ZNF33B: variants seen among roughly 807,000 people sequenced by gnomAD.
ZNF33B encodes the protein zinc finger protein 11b (KOX 2).
Under a neutral mutation model 45.8 loss-of-function variants are expected in ZNF33B, and 29 were observed. That is an observed-to-expected ratio of 0.63 (90% CI 0.47 to 0.86). ZNF33B has a LOEUF of 0.86. Among genes scored for constraint, ZNF33B ranks in the 40% least tolerant of loss-of-function variants. The pLI is 0.00. For synonymous variants in ZNF33B, 305 were observed against 307.8 expected, an observed-to-expected ratio of 0.99 and a Z score of 0.10; for missense variants, 831 against 909.9, an observed-to-expected ratio of 0.91 and a Z score of 1.12.
chr10:42,597,331 A>G (rs1489389070), intron 4 of ZNF33B, among the ~76,000 whole-genome samples: 1 of 152,128 alleles, frequency 6.6e-6, no homozygotes, highest in Non-Finnish European at 1.5e-5. Flanking sequence ...CCTTTAACAT[A>G]TTTTACTACT....
In ZNF33B at chr10:42,589,170, G is replaced by A; in HGVS notation, c.*3443C>T. On this transcript the variant is annotated 3_prime_UTR_variant, in exon 5 of 5. Transcript: ENST00000359467. The stretch of plus-strand genomic sequence containing the variant: ...CTTCATTTTTTAGAGCAGCTTTAGG[G>A]TTACAGAAAAATTGAGCAAAAAGTA... The A allele has an allele frequency of 5.3e-6, 1 of 188,434 alleles. No homozygotes were observed. The highest frequency in any genetic ancestry group is 9.9e-6 in the Non-Finnish European group (1 of 101,146). 11.7% of individuals were successfully genotyped at this position (188,434 alleles called of 1,614,324 possible).
At chr10:42,617,940 G>A (rs913550887) in intron 4 of ZNF33B, among the ~76,000 whole-genome samples, 2 of 152,108 alleles carry the variant, frequency 1.3e-5, no homozygotes, top group African/African-American at 2.4e-5. Context: ...GTAGGAAACT[G>A]AAACCACACA....
intron 4 of ZNF33B, among the ~76,000 whole-genome samples, chr10:42,616,401 C>T (rs1838316555): frequency 6.6e-6 from 1 of 152,026 alleles, no homozygotes; most frequent in African/African-American, 2.4e-5. Context: ...GTATAAATAA[C>T]ACAACTGATA....
rs1837304495 is a variant in ZNF33B, at chr10:42,594,402, T to C, written c.548A>G (p.Asp183Gly). Residue 183 changes from aspartate (D) to glycine (G), a missense_variant, in exon 5 of 5, where the codon GAT (aspartate) becomes GGT (glycine). By Grantham distance (94) the Asp-to-Gly change is moderately conservative. Coordinates refer to ENST00000359467, the MANE Select transcript of ZNF33B (RefSeq NM_006955.3). ...ATTTTTCTCTCGAGTATGAGTTTCA[T>C]CATGCTTAATATTGAGTAACAATTT... is the stretch of plus-strand genomic sequence containing the variant. Reference protein sequence around the residue: ...CGKLLLNIKHDETHTREKNEV... With the variant: ...CGKLLLNIKHGETHTREKNEV... 2 of 1,613,876 alleles carry C rather than the reference T, an allele frequency of 1.2e-6. No homozygotes were observed. Among genetic ancestry groups the C allele is most frequent in the East Asian group, 4.5e-5 (2 of 44,840 alleles).
chr10:42,633,744 G>C (rs1839158198), intron 2 of ZNF33B, among the ~76,000 whole-genome samples: 1 of 152,152 alleles, frequency 6.6e-6, no homozygotes, highest in African/African-American at 2.4e-5. Context: ...GAGGCGGGTG[G>C]ATCACCTGAG....
At position 42,593,734 on chromosome 10, in the gene ZNF33B, T is replaced by G; in HGVS notation, c.1216A>C (p.Thr406Pro). 1 of 1,613,626 alleles carries G rather than the reference T, an allele frequency of 6.2e-7. No individual in the cohort carries two copies. The highest frequency in any genetic ancestry group is 8.5e-7 in the Non-Finnish European group (1 of 1,179,750). Residue 406 changes from threonine (T) to proline (P), a missense_variant, in exon 5 of 5, where the codon ACA becomes CCA. Thr to Pro is a conservative substitution (Grantham distance 38). Transcript: ENST00000359467. The part of the protein sequence containing the change: ...HKSALTLHQR[T>P]HTGEKPYQCN... ...TGATAGGGTTTCTCCCCTGTATGTG[T>G]TCTCTGGTGTAATGTGAGGGCTGAC...
chr10:42,579,004 G>A (rs1335622242), intron 1 of ZNF33B, among the ~76,000 whole-genome samples: 4 of 152,120 alleles, frequency 2.6e-5, no homozygotes, highest in East Asian at 3.9e-4. Flanking sequence ...CAGATCTTCA[G>A]TAATGCTGCA....
intron 4 of ZNF33B, among the ~76,000 whole-genome samples, chr10:42,602,777 C>T (rs186696891): frequency 6.6e-6 from 1 of 152,210 alleles, no homozygotes; most frequent in African/African-American, 2.4e-5. Flanking sequence ...ATCAGTCCTT[C>T]TCCAGGCCCT....
At chr10:42,584,986 G>C (rs1836902736), downstream of ZNF33B, among the ~76,000 whole-genome samples, 1 of 152,222 alleles carries the variant, frequency 6.6e-6, no homozygotes, top group Admixed American at 6.5e-5. Flanking sequence ...GTTTAGGAGG[G>C]AGAAGGAGTC....
intron 2 of ZNF33B, 77 bp from the exon 3 acceptor site, chr10:42,632,516 T>C (rs1375861208): frequency 1.3e-6 from 2 of 1,531,666 alleles, no homozygotes. Context: ...TCACAGAATA[T>C]TTGTTTTGCT....
chr10:42,617,776 T>A (rs1838390616), intron 4 of ZNF33B, among the ~76,000 whole-genome samples: 1 of 152,114 alleles, frequency 6.6e-6, no homozygotes, highest in Non-Finnish European at 1.5e-5. Context: ...TTCAAAACTG[T>A]TACACAAATA....
At chr10:42,576,160 TTG>T (rs1836747149) in intron 1 of ZNF33B, among the ~76,000 whole-genome samples, 1 of 151,840 alleles carries the variant, frequency 6.6e-6, no homozygotes, top group African/African-American at 2.4e-5. Flanking sequence ...CAATAATTTT[TTG>T]TATTTTAGTA....
chr10:42,632,697 G>C (rs957798574), intron 2 of ZNF33B, among the ~76,000 whole-genome samples: 1 of 152,178 alleles, frequency 6.6e-6, no homozygotes, highest in African/African-American at 2.4e-5. Context: ...AGAACACACA[G>C]AGTGGTAAGA....
rs748758419 is a variant in ZNF33B, at chr10:42,593,689, T to G, written c.1261A>C (p.Thr421Pro). The G allele has an allele frequency of 1.2e-6, 2 of 1,613,476 alleles. No individual in the cohort carries two copies. Among genetic ancestry groups the G allele is most frequent in the South Asian group, 1.1e-5 (1 of 91,068 alleles). The part of the protein sequence containing the change: ...KPYQCNACGK[T>P]FYQKSDLTKH... ...GTGAGGTCAGATTTCTGGTAAAAAG[T>G]TTTCCCACATGCATTACACTGATAG... The change falls in exon 5 of 5, where the codon ACT becomes CCT. Residue 421 changes from threonine to proline, a missense_variant. Coordinates refer to ENST00000359467, the MANE Select transcript of ZNF33B (RefSeq NM_006955.3).
At position 42,593,637 on chromosome 10, in the gene ZNF33B, T is replaced by C. The variant is rs755652541; in HGVS notation, c.1313A>G (p.Gln438Arg). The change falls in exon 5 of 5, where the codon CAG becomes CGG. Residue 438 changes from glutamine to arginine, a missense_variant. Coordinates refer to ENST00000359467, the MANE Select transcript of ZNF33B (RefSeq NM_006955.3). The part of the protein sequence containing the change: ...LTKHQRTHTG[Q>R]KPYECYECGK... ...ACATTCATAACATTCATAGGGTTTC[T>C]GCCCTGTGTGTGTTCTCTGATGTTT... 6.2e-6 allele frequency: 10 copies of C among 1,613,974 alleles called. No homozygotes were observed. The highest frequency in any genetic ancestry group is 1.7e-5 in the Admixed American group (1 of 59,990).
chr10:42,577,167 A>T (rs1250308825), intron 1 of ZNF33B, among the ~76,000 whole-genome samples: 1 of 148,982 alleles, frequency 6.7e-6, no homozygotes, highest in African/African-American at 2.5e-5. Flanking sequence ...TTCCCAGTCC[A>T]GGCTGGAAGA....
chr10:42,636,713 G>A (rs1469138636), intron 2 of ZNF33B: 32 of 620,910 alleles, frequency 5.2e-5, no homozygotes, highest in South Asian at 4.6e-4. Context: ...CCAGCCAATC[G>A]GGAGGCTGAG....
chr10:42,585,622 C>T (rs1406089008), downstream of ZNF33B, among the ~76,000 whole-genome samples: 1 of 152,174 alleles, frequency 6.6e-6, no homozygotes, highest in Non-Finnish European at 1.5e-5. Context: ...ATGTAATCCT[C>T]CCTTTAAACA....
chr10:42,576,284 CG>C (rs1564486466), intron 1 of ZNF33B, among the ~76,000 whole-genome samples: 3 of 152,152 alleles, frequency 2.0e-5, no homozygotes. Flanking sequence ...CCACTGCGCC[CG>C]GCCACAATAT....
Sources: gnomAD v4.1 joint callset for allele counts (sites outside exome capture counted in the v4.1 genomes callset) on GRCh38, gnomAD v4.1.1 for gene constraint, MANE v1.5 for transcripts, NCBI Gene and HGNC (gene_info 2026-07-23, HGNC 2026-07-21) for gene names.